SGCZ: variants seen among roughly 807,000 people sequenced by gnomAD.
The protein encoded by SGCZ is zeta-sarcoglycan.
A neutral mutation model predicts 41.3 loss-of-function variants in SGCZ; 40 were observed. That is an observed-to-expected ratio of 0.97 (90% CI 0.75 to 1.26). The LOEUF (loss-of-function observed/expected upper bound fraction) is 1.26. Ranked by LOEUF, SGCZ falls within the 50% of genes most tolerant of loss-of-function variation. The probability of loss-of-function intolerance (pLI) is 0.00; values close to 1 mark genes in which losing one functional copy is unlikely to be tolerated. For synonymous variants in SGCZ, 206 were observed against 137.5 expected, an observed-to-expected ratio of 1.50 and a Z score of -3.49; for missense variants, 552 against 369.8, an observed-to-expected ratio of 1.49 and a Z score of -4.04.
chr8:15,125,131 T>G (rs1807633152), intron 1 of SGCZ, among the ~76,000 whole-genome samples: 1 of 152,206 alleles, frequency 6.6e-6, no homozygotes, highest in East Asian at 1.9e-4. Context: ...ACTTTTTTTG[T>G]AATCCCCTAA....
intron 1 of SGCZ, among the ~76,000 whole-genome samples, chr8:15,017,342 G>C (rs1803077158): frequency 6.6e-6 from 1 of 152,240 alleles, no homozygotes; most frequent in Non-Finnish European, 1.5e-5. Flanking sequence ...CAACTGCTAT[G>C]CTCCCATTCA....
chr8:15,193,824 A>G (rs1800621430), intron 1 of SGCZ, among the ~76,000 whole-genome samples: 1 of 152,214 alleles, frequency 6.6e-6, no homozygotes. Flanking sequence ...GCCAAAGCAG[A>G]GAATCACAAA....
At chr8:14,750,448 C>T (rs893773584) in intron 1 of SGCZ, among the ~76,000 whole-genome samples, 1 of 152,048 alleles carries the variant, frequency 6.6e-6, no homozygotes, top group Non-Finnish European at 1.5e-5. Flanking sequence ...CCATTTCTGC[C>T]TTAATAGGTA....
chr8:15,027,385 A>T (rs1803496423), intron 1 of SGCZ, among the ~76,000 whole-genome samples: 1 of 101,470 alleles, frequency 9.9e-6, no homozygotes, highest in Non-Finnish European at 2.0e-5. Context: ...AAAAAGAAAT[A>T]TGTGTTGGCT....
chr8:14,701,272 T>C (rs1236473076), intron 1 of SGCZ, among the ~76,000 whole-genome samples: 1 of 152,026 alleles, frequency 6.6e-6, no homozygotes, highest in Non-Finnish European at 1.5e-5. Flanking sequence ...TGAACTCTTT[T>C]ACCATTATAA....
chr8:14,839,002 A>G (rs1802805663), intron 1 of SGCZ, among the ~76,000 whole-genome samples: 1 of 152,110 alleles, frequency 6.6e-6, no homozygotes, highest in Non-Finnish European at 1.5e-5. Context: ...AGTATGAAAG[A>G]AAGACCTGGA....
intron 1 of SGCZ, among the ~76,000 whole-genome samples, chr8:14,633,238 A>G (rs1362492359): frequency 6.6e-6 from 1 of 151,966 alleles, no homozygotes; most frequent in Non-Finnish European, 1.5e-5. Flanking sequence ...TTTATTCTGT[A>G]TATAGACAGC....
At chr8:14,701,966 T>C (rs1809152139) in intron 1 of SGCZ, among the ~76,000 whole-genome samples, 1 of 151,958 alleles carries the variant, frequency 6.6e-6, no homozygotes, top group African/African-American at 2.4e-5. Flanking sequence ...AGCTATTTCC[T>C]AATTATGTCC....
intron 3 of SGCZ, among the ~76,000 whole-genome samples, chr8:14,280,891 G>T (rs1200455837): frequency 6.6e-6 from 1 of 151,436 alleles, no homozygotes; most frequent in Non-Finnish European, 1.5e-5. Context: ...CAAGAGAGAG[G>T]GAGAAAGTAC....
At chr8:14,171,163 A>C (rs1804368442) in intron 4 of SGCZ, among the ~76,000 whole-genome samples, 2 of 151,420 alleles carry the variant, frequency 1.3e-5, no homozygotes, top group Non-Finnish European at 1.5e-5. Flanking sequence ...AAAAAAAAAA[A>C]AAAACTAACA....
intron 1 of SGCZ, among the ~76,000 whole-genome samples, chr8:14,914,115 A>G (rs1381832654): frequency 6.6e-6 from 1 of 152,028 alleles, no homozygotes; most frequent in Non-Finnish European, 1.5e-5. Context: ...AGAAATAAAC[A>G]CTTCTAAAGG....
At chr8:14,932,901 C>G (rs1799959195) in intron 1 of SGCZ, among the ~76,000 whole-genome samples, 1 of 151,906 alleles carries the variant, frequency 6.6e-6, no homozygotes, top group Non-Finnish European at 1.5e-5. Context: ...AGCACTAAAT[C>G]TGGCATTCAT....
intron 3 of SGCZ, among the ~76,000 whole-genome samples, chr8:14,286,697 T>C (rs1361186427): frequency 3.3e-5 from 5 of 152,166 alleles, no homozygotes; most frequent in African/African-American, 9.6e-5. Context: ...TTTTCAAAGT[T>C]TGACTTTTAG....
rs187720897 is a variant in SGCZ, at chr8:14,706,942, A to G, written c.40-152016T>C. Among the ~76,000 whole-genome samples, 60 of 151,858 alleles carry G rather than the reference A, an allele frequency of 4.0e-4. No individual in the cohort carries two copies. In the East Asian group the frequency reaches 0.011, roughly 27 times the overall value. ...TCTTATTATTTAGAAGAAAATTTTC[A>G]GATTAATTACAAAACTTTATGTTGT... On this transcript the variant is annotated intron_variant, in intron 1 of 7. Transcript: ENST00000382080.
At chr8:14,345,659 T>A (rs1022240050) in intron 2 of SGCZ, among the ~76,000 whole-genome samples, 4 of 152,118 alleles carry the variant, frequency 2.6e-5, no homozygotes, top group Non-Finnish European at 5.9e-5. Context: ...AAGTTTGAAT[T>A]CCATTGCTCA....
chr8:14,824,261 C>T (rs189515880), intron 1 of SGCZ, among the ~76,000 whole-genome samples: 1 of 152,120 alleles, frequency 6.6e-6, no homozygotes, highest in Admixed American at 6.5e-5. Context: ...GTTCTCACCA[C>T]AAATAAATGA....
chr8:15,070,055 T>C (rs1805296165), intron 1 of SGCZ, among the ~76,000 whole-genome samples: 1 of 152,146 alleles, frequency 6.6e-6, no homozygotes, highest in Non-Finnish European at 1.5e-5. Context: ...ATTATTAGCA[T>C]TCAATAAAAA....
At chr8:14,616,698 A>G (rs983137220) in intron 1 of SGCZ, among the ~76,000 whole-genome samples, 8 of 152,120 alleles carry the variant, frequency 5.3e-5, no homozygotes, top group African/African-American at 1.7e-4. Context: ...ATTGTTTTTC[A>G]GGACACGTTT....
intron 1 of SGCZ, among the ~76,000 whole-genome samples, chr8:15,031,635 C>A (rs1803666610): frequency 1.3e-5 from 2 of 152,156 alleles, no homozygotes; most frequent in South Asian, 4.1e-4. Flanking sequence ...CACTGGCAGT[C>A]AACTCCAGGG....
Sources: gnomAD v4.1 joint callset for allele counts (sites outside exome capture counted in the v4.1 genomes callset) on GRCh38, gnomAD v4.1.1 for gene constraint, MANE v1.5 for transcripts, NCBI Gene and HGNC (gene_info 2026-07-23, HGNC 2026-07-21) for gene names.